ALKBH3: variants seen among roughly 807,000 people sequenced by gnomAD.
The protein encoded by ALKBH3 is alpha-ketoglutarate-dependent dioxygenase alkB homolog 3.
Under a neutral mutation model 43.9 loss-of-function variants are expected in ALKBH3, and 51 were observed. The observed-to-expected ratio is 1.16, with a 90% CI of 0.93 to 1.47. The LOEUF (loss-of-function observed/expected upper bound fraction) is 1.47. Ranked by LOEUF, ALKBH3 falls within the 40% of genes most tolerant of loss-of-function variation. ALKBH3 has a pLI of 0.00. For synonymous variants in ALKBH3, 102 were observed against 115.2 expected (o/e 0.89, Z 0.73); for missense variants, 361 against 351.9 (o/e 1.03, Z -0.21).
chr11:43,883,286 C>A, intron 3 of ALKBH3, 98 bp downstream of exon 3: 2 of 792,372 alleles, frequency 2.5e-6, no homozygotes, highest in Non-Finnish European at 4.1e-6. Flanking sequence ...TGAATAAATT[C>A]ACTAATAGCA....
intron 7 of ALKBH3, among the ~76,000 whole-genome samples, chr11:43,895,654 A>C (rs1047235447): frequency 3.9e-5 from 6 of 152,160 alleles, no homozygotes; most frequent in African/African-American, 1.4e-4. Context: ...CTTTTTTGGG[A>C]ATCTACAAGT....
At chr11:43,886,904 G>C (rs1951750377) in intron 5 of ALKBH3, among the ~76,000 whole-genome samples, 1 of 152,128 alleles carries the variant, frequency 6.6e-6, no homozygotes, top group African/African-American at 2.4e-5. Flanking sequence ...GCCGAATGAT[G>C]AGAACACAGG....
intron 6 of ALKBH3, 130 bp downstream of exon 6, chr11:43,889,958 T>A (rs1590367850): frequency 4.0e-6 from 3 of 752,090 alleles, no homozygotes; most frequent in East Asian, 2.8e-5. Flanking sequence ...CCTAAGAAAG[T>A]AGAATTAGCC....
At chr11:43,897,686 C>T (rs143752599) in intron 7 of ALKBH3, 28 of 825,646 alleles carry the variant, frequency 3.4e-5, no homozygotes, top group African/African-American at 1.3e-4. Context: ...GAGTTGATTA[C>T]GTTTATTTTG....
Position 43,883,261 on chromosome 11 carries a change from C to A in ALKBH3, c.183+73C>A, listed in dbSNP as rs564743742. On this transcript the variant is annotated intron_variant, in intron 3 of 9. Coordinates refer to ENST00000302708, the MANE Select transcript of ALKBH3 (RefSeq NM_139178.4). ...AAGTGATATTCACACAGTAGACACT[C>A]AAATAAATAATGACTGAATAAATTC... is the stretch of plus-strand genomic sequence containing the variant. 112 of 1,019,912 alleles carry A rather than the reference C, an allele frequency of 1.1e-4. No individual in the cohort carries two copies. The African/African-American group carries it at 1.7e-3, about 16-fold the overall frequency. The allele number at this position is 1,019,912 out of a possible 1,614,324, so 63.2% of individuals were successfully genotyped here.
chr11:43,899,973 A>T (rs1211499327), intron 7 of ALKBH3, among the ~76,000 whole-genome samples: 1 of 151,920 alleles, frequency 6.6e-6, no homozygotes, highest in Admixed American at 6.6e-5. Flanking sequence ...CTACATACCT[A>T]TGTGAAGCCA....
At chr11:43,915,380 C>T (rs1396646361) in intron 8 of ALKBH3, among the ~76,000 whole-genome samples, 4 of 152,070 alleles carry the variant, frequency 2.6e-5, no homozygotes, top group Non-Finnish European at 4.4e-5. Flanking sequence ...CTGCAGCCTT[C>T]TCAAGAAAGC....
chr11:43,906,693 G>A (rs1951898323), intron 8 of ALKBH3, among the ~76,000 whole-genome samples: 1 of 152,012 alleles, frequency 6.6e-6, no homozygotes, highest in Non-Finnish European at 1.5e-5. Flanking sequence ...TTTTTTTAAA[G>A]TAAATAAAAT....
At chr11:43,883,257 C>CA in intron 3 of ALKBH3, 69 bp downstream of exon 3, 2 of 1,080,626 alleles carry the variant, frequency 1.9e-6, no homozygotes, top group East Asian at 5.1e-5. Context: ...ACACAGTAGA[C>CA]ACTCAAATAA....
At chr11:43,903,861 A>C (rs997011135) in intron 8 of ALKBH3, among the ~76,000 whole-genome samples, 2 of 152,196 alleles carry the variant, frequency 1.3e-5, no homozygotes, top group African/African-American at 4.8e-5. Flanking sequence ...CATTCACAAT[A>C]TTCTGGTGCC....
chr11:43,881,850 CTTG>C (rs898994928), intron 1 of ALKBH3, among the ~76,000 whole-genome samples: 8 of 152,258 alleles, frequency 5.3e-5, no homozygotes, highest in Non-Finnish European at 7.4e-5. Flanking sequence ...CTTGAATTTC[CTTG>C]TTGTTTTGGT....
chr11:43,919,237 TACA>T, intron 9 of ALKBH3, 101 bp downstream of exon 9: 1 of 1,010,894 alleles, frequency 9.9e-7, no homozygotes, highest in Non-Finnish European at 1.5e-6. Flanking sequence ...AAGCTGCTTT[TACA>T]ACGAGCAAGA....
At chr11:43,903,786 A>G (rs1335096243) in intron 8 of ALKBH3, among the ~76,000 whole-genome samples, 2 of 152,230 alleles carry the variant, frequency 1.3e-5, no homozygotes, top group East Asian at 1.9e-4. Context: ...TTGAAGCTTA[A>G]GAATTCCCTA....
At chr11:43,898,079 T>C in intron 7 of ALKBH3, 1 of 1,022,692 alleles carries the variant, frequency 9.8e-7, no homozygotes, top group South Asian at 1.3e-5. Flanking sequence ...AAGGAGGGGC[T>C]GAGTGGCGAT....
intron 8 of ALKBH3, among the ~76,000 whole-genome samples, chr11:43,903,495 G>C (rs777268668): frequency 2.0e-5 from 3 of 152,168 alleles, no homozygotes; most frequent in Admixed American, 6.5e-5. Context: ...TCCTGAGACC[G>C]GGGGCCGTAG....
chr11:43,908,366 C>T (rs982814003), intron 8 of ALKBH3, among the ~76,000 whole-genome samples: 5 of 152,040 alleles, frequency 3.3e-5, no homozygotes, highest in African/African-American at 1.2e-4. Context: ...TGTCCAGGAA[C>T]AGTTTGGGAA....
chr11:43,883,228 G>A, intron 3 of ALKBH3, 40 bp downstream of exon 3: 1 of 1,508,012 alleles, frequency 6.6e-7, no homozygotes, highest in South Asian at 1.2e-5. Context: ...ATAAAAATTT[G>A]CTTAGAAAAG....
At chr11:43,898,720 C>A in intron 7 of ALKBH3, 1 of 715,334 alleles carries the variant, frequency 1.4e-6, no homozygotes, top group Non-Finnish European at 2.6e-6. Context: ...GAGACTGGGC[C>A]GACTTCTCAT....
chr11:43,898,246 G>A, intron 7 of ALKBH3: 1 of 847,168 alleles, frequency 1.2e-6, no homozygotes, highest in Non-Finnish European at 2.0e-6. Context: ...CCACAAGGGT[G>A]AAATTCCAAA....
Sources: gnomAD v4.1 joint callset for allele counts (sites outside exome capture counted in the v4.1 genomes callset) on GRCh38, gnomAD v4.1.1 for gene constraint, MANE v1.5 for transcripts, NCBI Gene and HGNC (gene_info 2026-07-23, HGNC 2026-07-21) for gene names.